Variants in CEP152 observed in about 807,000 individuals in gnomAD.
The protein encoded by CEP152 is centrosomal protein of 152 kDa.
In CEP152, 132 loss-of-function variants were observed where a neutral mutation model predicts 188.9. That is an observed-to-expected ratio of 0.70 (90% CI 0.61 to 0.81). The LOEUF (loss-of-function observed/expected upper bound fraction) is 0.81. CEP152 is among the 30% of genes least tolerant of loss of function. The pLI, the probability that CEP152 is intolerant of heterozygous loss-of-function variation, is 0.00. For missense variants in CEP152, 1,914 were observed against 1,969.8 expected (o/e 0.97, Z 0.54); for synonymous variants, 649 against 666.6 (o/e 0.97, Z 0.41).
At chr15:48,793,737 T>G (rs952919725) in intron 6 of CEP152, among the ~76,000 whole-genome samples, 1 of 152,328 alleles carries the variant, frequency 6.6e-6, no homozygotes, top group Non-Finnish European at 1.5e-5. Context: ...AAAATATAGT[T>G]CTTACAGTGG....
rs587783424 is a variant in CEP152 at position 48,741,717 on chromosome 15, C to A, written c.3990-13G>T. On this transcript the variant is annotated splice_polypyrimidine_tract_variant and intron_variant, in intron 25 of 26. Coordinates refer to ENST00000380950, the MANE Select transcript of CEP152 (RefSeq NM_001194998.2). Reference sequence around the variant, plus strand: ...CTTTTTCTCAGCCCTGTGGGGAATTCCAGAATATTAAAAATATAGTTTAAA... The same window carrying A: ...CTTTTTCTCAGCCCTGTGGGGAATTACAGAATATTAAAAATATAGTTTAAA... 1.3e-5 allele frequency: 21 copies of A among 1,613,676 alleles called. 1 individual carries two copies. In the Admixed American group the frequency reaches 2.5e-4, roughly 19 times the overall value.
chr15:48,808,367 C>T (rs890172892), intron 1 of CEP152, among the ~76,000 whole-genome samples: 3 of 150,472 alleles, frequency 2.0e-5, no homozygotes, highest in South Asian at 2.1e-4. Context: ...ACATCATTAA[C>T]GAGTCAAATA....
At chr15:48,805,324 T>A (rs1041140919) in intron 2 of CEP152, among the ~76,000 whole-genome samples, 51 of 152,148 alleles carry the variant, frequency 3.4e-4, no homozygotes, top group Non-Finnish European at 7.1e-4. Flanking sequence ...AAAAGAAAAA[T>A]TTAACCATTT....
At chr15:48,732,370 C>A (rs916487826) in intron 2 of CEP152, among the ~76,000 whole-genome samples, 2 of 152,164 alleles carry the variant, frequency 1.3e-5, no homozygotes, top group African/African-American at 4.8e-5. Context: ...AGAATGAGAT[C>A]ATGTCCTTTG....
intron 14 of CEP152, 96 bp from the exon 15 acceptor site, chr15:48,768,424 C>T: frequency 1.4e-6 from 1 of 713,004 alleles, no homozygotes; most frequent in Middle Eastern, 3.8e-4. Flanking sequence ...TATGCTTTCT[C>T]TCTCCCCTAT....
chr15:48,797,212 T>G (rs1310954057), intron 5 of CEP152, 89 bp downstream of exon 5: 1 of 1,424,976 alleles, frequency 7.0e-7, no homozygotes, highest in Non-Finnish European at 9.9e-7. Context: ...CTTACCATTG[T>G]ACTCACATAC....
At chr15:48,774,852 TA>T (rs1230370525) in intron 12 of CEP152, among the ~76,000 whole-genome samples, 1 of 152,078 alleles carries the variant, frequency 6.6e-6, no homozygotes, top group African/African-American at 2.4e-5. Flanking sequence ...AAGAGTTTTA[TA>T]AGTTTAAAGT....
chr15:48,731,954 G>C (rs1410808690), intron 2 of CEP152, among the ~76,000 whole-genome samples: 2 of 152,216 alleles, frequency 1.3e-5, no homozygotes, highest in Admixed American at 1.3e-4. Flanking sequence ...CTGGTCATTA[G>C]AGAAATGCAA....
chr15:48,764,003 T>C (rs1370550440), intron 17 of CEP152, among the ~76,000 whole-genome samples: 1 of 152,114 alleles, frequency 6.6e-6, no homozygotes, highest in Non-Finnish European at 1.5e-5. Context: ...ATATCCTGAG[T>C]TGGGTCGAAA....
chr15:48,806,100 A>AG (rs1173264965), intron 1 of CEP152, among the ~76,000 whole-genome samples: 1 of 152,198 alleles, frequency 6.6e-6, no homozygotes, highest in African/African-American at 2.4e-5. Context: ...CTTTACAAGA[A>AG]GAAGGCCCCT....
intron 23 of CEP152, 105 bp from the exon 24 acceptor site, chr15:48,744,448 G>T: frequency 6.5e-7 from 1 of 1,535,244 alleles, no homozygotes; most frequent in Non-Finnish European, 8.8e-7. Flanking sequence ...ACTGAGAAGT[G>T]CTAAAAATCT....
intron 7 of CEP152, among the ~76,000 whole-genome samples, chr15:48,792,166 A>G (rs967118028): frequency 6.6e-6 from 1 of 151,864 alleles, no homozygotes; most frequent in Non-Finnish European, 1.5e-5. Flanking sequence ...AATTTTTTGT[A>G]TTTTTAGTAG....
intron 22 of CEP152, among the ~76,000 whole-genome samples, chr15:48,748,046 A>T (rs1293155264): frequency 6.6e-6 from 1 of 152,210 alleles, no homozygotes; most frequent in Non-Finnish European, 1.5e-5. Flanking sequence ...TGCCAACAGC[A>T]TTCAACGTTT....
chr15:48,756,158 C>T lies in CEP152; in HGVS notation c.3090G>A (p.Gln1030=). The T allele has an allele frequency of 3.1e-6, 5 of 1,614,066 alleles. No individual in the cohort carries two copies. The highest frequency in any genetic ancestry group is 4.2e-6 in the Non-Finnish European group (5 of 1,179,988). Reference sequence around the variant, plus strand: ...TTTCCAGTTGGATCCGCTTGGCTTCCTGCATAGTCCATTCTCTACGACTCT... The same window carrying T: ...TTTCCAGTTGGATCCGCTTGGCTTCTTGCATAGTCCATTCTCTACGACTCT... ...LDQSRREWTM[Q]EAKRIQLEIY... is the part of the protein sequence containing the mutation. Residue 1030 remains glutamine, a synonymous_variant, in exon 20 of 27, where the codon CAG becomes CAA. Coordinates refer to ENST00000380950, the MANE Select transcript of CEP152 (RefSeq NM_001194998.2).
chr15:48,744,826 C>A, intron 23 of CEP152, 70 bp downstream of exon 23: 1 of 1,416,886 alleles, frequency 7.1e-7, no homozygotes, highest in Non-Finnish European at 9.5e-7. Context: ...AAAATTGATA[C>A]TTAAAAAAAT....
intron 9 of CEP152, among the ~76,000 whole-genome samples, chr15:48,785,882 G>C (rs1229930229): frequency 3.4e-5 from 5 of 149,132 alleles, no homozygotes; most frequent in African/African-American, 5.0e-5. Flanking sequence ...CTCCAGCCTG[G>C]GCAACAGGGC....
At chr15:48,752,950 TC>T (rs1893982679) in intron 20 of CEP152, among the ~76,000 whole-genome samples, 1 of 152,318 alleles carries the variant, frequency 6.6e-6, no homozygotes, top group Admixed American at 6.5e-5. Context: ...TTCATATGCT[TC>T]TAAATACTTT....
intron 6 of CEP152, among the ~76,000 whole-genome samples, chr15:48,794,832 G>A (rs1897193598): frequency 6.6e-6 from 1 of 152,108 alleles, no homozygotes; most frequent in Non-Finnish European, 1.5e-5. Flanking sequence ...AAAAACTTAA[G>A]AACAAAGAGA....
rs981043818 is a variant in CEP152 at position 48,756,081 on chromosome 15, T to C, written c.3167A>G (p.Asp1056Gly). ...ATCACTGATGTGCTCCTTTTGGGTA[T>C]CACTTAAAAGAACCCCAAGTACAGT... ...ILTVLGVLLS[D>G]TQKEHISDSE... Residue 1056 changes from aspartate to glycine, a missense_variant, in exon 20 of 27, where the codon GAT (aspartate) becomes GGT (glycine). Coordinates refer to ENST00000380950, the MANE Select transcript of CEP152 (RefSeq NM_001194998.2). 2 of 1,614,006 alleles carry C rather than the reference T, an allele frequency of 1.2e-6. No homozygotes were observed. The highest frequency in any genetic ancestry group is 3.3e-5 in the Admixed American group (2 of 59,992).
Sources: allele counts gnomAD v4.1 joint callset (sites outside exome capture counted in the v4.1 genomes callset), GRCh38; gene constraint gnomAD v4.1.1; transcripts MANE v1.5; gene names NCBI Gene and HGNC (gene_info 2026-07-23, HGNC 2026-07-21).